Variants in STAB1 observed in about 807,000 individuals in gnomAD.
The protein encoded by STAB1 is stabilin 1.
Under a neutral mutation model 332.4 loss-of-function variants are expected in STAB1, and 250 were observed. The observed-to-expected ratio is 0.75, with a 90% CI of 0.68 to 0.84. The LOEUF (loss-of-function observed/expected upper bound fraction) is 0.84. STAB1 is among the 40% of genes least tolerant of loss of function. The pLI, the probability that STAB1 is intolerant of heterozygous loss-of-function variation, is 0.00. For missense variants in STAB1, 3,249 were observed against 3,489.7 expected, an observed-to-expected ratio of 0.93 and a Z score of 1.74; for synonymous variants, 1,475 against 1,390.4, an observed-to-expected ratio of 1.06 and a Z score of -1.35.
At position 52,522,615 on chromosome 3, in the gene STAB1, C is replaced by T. The variant is rs763882360; in HGVS notation, c.6671C>T (p.Ser2224Leu). ...ATSGPYGLNF[S>L]EAEAACEAQG... ...AGCGGCCCTTATGGTCTGAACTTTT[C>T]GGAGGCTGAGGCGGCATGCGAAGCA... The change falls in exon 61 of 69, where the codon TCG becomes TTG. Residue 2224 changes from serine to leucine, a missense_variant. Ser to Leu is a moderately radical substitution (Grantham distance 145). Coordinates refer to ENST00000321725, the MANE Select transcript of STAB1 (RefSeq NM_015136.3). The T allele has an allele frequency of 1.6e-5, 26 of 1,612,984 alleles. No homozygotes were observed. Among genetic ancestry groups the T allele is most frequent in the South Asian group, 2.2e-5 (2 of 91,088 alleles).
At position 52,523,140 on chromosome 3, in the gene STAB1, T is replaced by TG; in HGVS notation, c.7020+11dup. On this transcript the variant is annotated splice_region_variant and intron_variant, in intron 63 of 68. Coordinates refer to ENST00000321725, the MANE Select transcript of STAB1 (RefSeq NM_015136.3). The stretch of plus-strand genomic sequence containing the variant: ...ACTTCTCCACCTTCTATGGGGTGTG[T>TG]GGGGGCCACCCTTGGGGGCGGGGGG... 6.2e-7 allele frequency: 1 copy of TG among 1,603,290 alleles called. No homozygotes were observed. Among genetic ancestry groups the TG allele is most frequent in the Non-Finnish European group, 8.5e-7 (1 of 1,175,216 alleles).
intron 20 of STAB1, 118 bp downstream of exon 20, chr3:52,508,144 G>T: frequency 1.5e-6 from 2 of 1,358,938 alleles, no homozygotes; most frequent in Non-Finnish European, 2.1e-6. Context: ...CAGCCTGACG[G>T]TGGAAAAGGG....
At chr3:52,513,378 A>G in intron 30 of STAB1, 137 bp downstream of exon 30, 1 of 858,626 alleles carries the variant, frequency 1.2e-6, no homozygotes, top group Non-Finnish European at 1.8e-6. Flanking sequence ...GCCGGGCTCA[A>G]AGGATGTGCT....
intron 25 of STAB1, 70 bp from the exon 26 acceptor site, chr3:52,511,580 C>A (rs1709301673): frequency 1.4e-6 from 2 of 1,427,678 alleles, no homozygotes; most frequent in African/African-American, 1.4e-5. Flanking sequence ...CCAGAGAGAG[C>A]CAAGTAATGG....
rs79269239 is a variant in STAB1, at chr3:52,519,524, C to G, written c.5195C>G (p.Ala1732Gly). The change falls in exon 50 of 69, where the codon GCC (alanine) becomes GGC (glycine). Residue 1732 changes from alanine (A) to glycine (G), a missense_variant. By Grantham distance (60) the Ala-to-Gly change is moderately conservative (BLOSUM62 0). Transcript: ENST00000321725. ...PIPRRNVTAA[A>G]QGFGYKIFSG... ...CCTCAGAGAAATGTCACCGCCGCCGCCCAGGGCTTCGGTTACAAGATCTTC... is the reference window on the plus strand; with the variant it reads ...CCTCAGAGAAATGTCACCGCCGCCGGCCAGGGCTTCGGTTACAAGATCTTC... The G allele has an allele frequency of 1.3e-3, 2,028 of 1,613,326 alleles. 25 individuals carry two copies. In the African/African-American group the frequency reaches 0.024, roughly 19 times the overall value.
chr3:52,512,263 C>T (rs1054376099), intron 26 of STAB1, 78 bp from the exon 27 acceptor site: 4 of 1,396,240 alleles, frequency 2.9e-6, no homozygotes, highest in African/African-American at 2.8e-5. Flanking sequence ...GGTGGCTGGA[C>T]AGGCAGAAAG....
chr3:52,524,351 A>G lies in STAB1; in HGVS notation c.7708A>G (p.Lys2570Glu). The G allele has an allele frequency of 6.2e-7, 1 of 1,613,804 alleles. No individual in the cohort carries two copies. Among genetic ancestry groups the G allele is most frequent in the South Asian group, 1.1e-5 (1 of 91,086 alleles). ...TGACACCCAGAGGATCCTCACAGTC[A>G]AGTGACGAGGCTGGGGCTGAAAGCA... is the stretch of plus-strand genomic sequence containing the variant. ...FPDTQRILTV[K>E] The change falls in exon 69 of 69, where the codon AAG becomes GAG. Residue 2570 changes from lysine to glutamate, a missense_variant. Physicochemically the swap from Lys to Glu is moderately conservative, Grantham distance 56. Coordinates refer to ENST00000321725, the MANE Select transcript of STAB1 (RefSeq NM_015136.3).
chr3:52,524,113 C>T lies in STAB1; in HGVS notation c.7556C>T (p.Ala2519Val). 1 of 1,613,708 alleles carries T rather than the reference C, an allele frequency of 6.2e-7. No individual in the cohort carries two copies. The highest frequency in any genetic ancestry group is 8.5e-7 in the Non-Finnish European group (1 of 1,180,030). Residue 2519 changes from alanine (A) to valine (V), a missense_variant, in exon 68 of 69, where the codon GCT (alanine) becomes GTT (valine). Coordinates refer to ENST00000321725, the MANE Select transcript of STAB1 (RefSeq NM_015136.3). The part of the protein sequence containing the change: ...GFSAFQAEDD[A>V]DDDFSPWQEG... ...TGCTGCTCCCAGGCGGAAGATGATG[C>T]TGATGACGACTTCTCACCGTGGCAA...
Position 52,516,109 on chromosome 3 carries a change from G to A in STAB1, c.4015G>A (p.Val1339Met), listed in dbSNP as rs1342249948. 17 of 1,611,824 alleles carry A rather than the reference G, an allele frequency of 1.1e-5. No homozygotes were observed. Among genetic ancestry groups the A allele is most frequent in the Non-Finnish European group, 1.4e-5 (17 of 1,179,572 alleles). ...GCCATGCCCAGGGGGTCTAGGGGGG[G>A]TGTGCTCAGGCCATGGGCAGTGCCA... ...CEPCPGGLGGVCSGHGQCQDR... is the reference protein window; with the variant it reads ...CEPCPGGLGGMCSGHGQCQDR... The change falls in exon 38 of 69, where the codon GTG becomes ATG. Residue 1339 changes from valine (V) to methionine (M), a missense_variant. Coordinates refer to ENST00000321725, the MANE Select transcript of STAB1 (RefSeq NM_015136.3).
rs368224942 is a variant in STAB1, at chr3:52,520,211, C to T, written c.5420C>T (p.Ala1807Val). ...ATGACTCCACTTGCTCAGGCCTTGG[C>T]ATCTGACCTGCCCAACCTGGGCCCA... ...GHMIRNVEALASDLPNLGPLR... is the reference protein window; with the variant it reads ...GHMIRNVEALVSDLPNLGPLR... The change falls in exon 52 of 69, where the codon GCA (alanine) becomes GTA (valine). Residue 1807 changes from alanine to valine, a missense_variant. By Grantham distance (64) the Ala-to-Val change is moderately conservative. Transcript: ENST00000321725. The T allele has an allele frequency of 5.0e-6, 8 of 1,613,064 alleles. No individual in the cohort carries two copies. The African/African-American group carries it at 5.3e-5, about 11-fold the overall frequency.
chr3:52,501,301 C>T lies in STAB1; in HGVS notation c.214C>T (p.Arg72Cys), dbSNP rs200757987. Residue 72 changes from arginine (R) to cysteine (C), a missense_variant and splice_region_variant, in exon 2 of 69, where the codon CGC becomes TGC. Coordinates refer to ENST00000321725, the MANE Select transcript of STAB1 (RefSeq NM_015136.3). ...CCCGGATCAGATAACCCAGGACTGC[C>T]GGTGCGGGCCACCCCTGTCCTTGCC... is the stretch of plus-strand genomic sequence containing the variant. ...ELPDQITQDC[R>C]YEVQLGGSMV... The T allele has an allele frequency of 1.2e-5, 19 of 1,612,910 alleles. No homozygotes were observed. Among genetic ancestry groups the T allele is most frequent in the East Asian group, 6.7e-5 (3 of 44,886 alleles).
At position 52,512,891 on chromosome 3, in the gene STAB1, G is replaced by A. The variant is rs752054112; in HGVS notation, c.3091G>A (p.Val1031Ile). The A allele has an allele frequency of 1.9e-6, 3 of 1,612,058 alleles. No individual in the cohort carries two copies. The South Asian group carries it at 3.3e-5, about 18-fold the overall frequency. ...VTALVPSEAAVRQLSPEDRAF... is the reference protein window; with the variant it reads ...VTALVPSEAAIRQLSPEDRAF... ...AGCCCTGGTGCCCTCCGAGGCTGCA[G>A]TCCGTCAGCTGAGCCCCGAGGACCG... The change falls in exon 29 of 69, where the codon GTC (valine) becomes ATC (isoleucine). Residue 1031 changes from valine (V) to isoleucine (I), a missense_variant. Physicochemically the swap from Val to Ile is conservative, Grantham distance 29. Coordinates refer to ENST00000321725, the MANE Select transcript of STAB1 (RefSeq NM_015136.3).
intron 21 of STAB1, chr3:52,508,634 C>A: frequency 2.5e-6 from 1 of 408,126 alleles, no homozygotes; most frequent in Non-Finnish European, 4.7e-6. Flanking sequence ...CCAGCCTGGT[C>A]AACATGGCAA....
chr3:52,521,540 G>A (rs746874225), intron 56 of STAB1, 30 bp downstream of exon 56: 11 of 1,613,674 alleles, frequency 6.8e-6, no homozygotes, highest in East Asian at 2.2e-5. Flanking sequence ...CCCACGGCCC[G>A]ATTCCTTTGG....
At position 52,512,903 on chromosome 3, in the gene STAB1, A is replaced by T. The variant is rs753416652; in HGVS notation, c.3103A>T (p.Ser1035Cys). 6.2e-7 allele frequency: 1 copy of T among 1,612,024 alleles called. No homozygotes were observed. Among genetic ancestry groups the T allele is most frequent in the South Asian group, 1.1e-5 (1 of 91,034 alleles). ...VPSEAAVRQLSPEDRAFWLQP... is the reference protein window; with the variant it reads ...VPSEAAVRQLCPEDRAFWLQP... Reference sequence around the variant, plus strand: ...CTCCGAGGCTGCAGTCCGTCAGCTGAGCCCCGAGGACCGAGCTTTCTGGCT... The same window carrying T: ...CTCCGAGGCTGCAGTCCGTCAGCTGTGCCCCGAGGACCGAGCTTTCTGGCT... The change falls in exon 29 of 69, where the codon AGC (serine) becomes TGC (cysteine). Residue 1035 changes from serine (S) to cysteine (C), a missense_variant. Coordinates refer to ENST00000321725, the MANE Select transcript of STAB1 (RefSeq NM_015136.3).
intron 42 of STAB1, 89 bp from the exon 43 acceptor site, chr3:52,517,231 A>C: frequency 8.7e-7 from 1 of 1,151,770 alleles, no homozygotes; most frequent in Non-Finnish European, 1.2e-6. Flanking sequence ...GCGCTGAGAG[A>C]GGAGGGGGTG....
Position 52,511,242 on chromosome 3 carries a change from C to A in STAB1, c.2788-408C>A, listed in dbSNP as rs78300098. 9.6e-3 allele frequency among the ~76,000 whole-genome samples: 1,457 copies of A among 152,276 alleles called. 27 individuals are homozygous for A. Among genetic ancestry groups the A allele is most frequent in the African/African-American group, 0.033 (1,357 of 41,546 alleles). On this transcript the variant is annotated intron_variant, in intron 25 of 68. Coordinates refer to ENST00000321725, the MANE Select transcript of STAB1 (RefSeq NM_015136.3). ...GTGTAGACAAGCCCAGGGACACTGG[C>A]ATTTGGTTGGGGGATTAGAGCAGCT... is the stretch of plus-strand genomic sequence containing the variant.
At position 52,523,054 on chromosome 3, in the gene STAB1, G is replaced by T; in HGVS notation, c.6940G>T (p.Val2314Leu). The T allele has an allele frequency of 6.4e-7, 1 of 1,569,960 alleles. No homozygotes were observed. The change falls in exon 63 of 69, where the codon GTG becomes TTG. Residue 2314 changes from valine to leucine, a missense_variant. Val to Leu is a conservative substitution (Grantham distance 32, BLOSUM62 1). Coordinates refer to ENST00000321725, the MANE Select transcript of STAB1 (RefSeq NM_015136.3). ...GGCCTGCCGATGCCGAAATGGCTTC[G>T]TGGGTGACGGGATCAGCACGTGCAA... is the stretch of plus-strand genomic sequence containing the variant. ...DVACRCRNGF[V>L]GDGISTCNGK...
intron 27 of STAB1, 25 bp downstream of exon 27, chr3:52,512,461 C>G (rs1709367108): frequency 6.2e-7 from 1 of 1,609,844 alleles, no homozygotes; most frequent in East Asian, 2.2e-5. Flanking sequence ...GACTCGTTTT[C>G]TGTCTTCCCC....
Sources: allele counts gnomAD v4.1 joint callset (sites outside exome capture counted in the v4.1 genomes callset), GRCh38; gene constraint gnomAD v4.1.1; transcripts MANE v1.5; gene names NCBI Gene and HGNC (gene_info 2026-07-23, HGNC 2026-07-21).